The following SNTG2 variants were observed in gnomAD, a reference collection of about 807,000 sequenced individuals.
SNTG2 encodes the protein syntrophin gamma 2, also known as gamma-2-syntrophin.
A neutral mutation model predicts 70.9 loss-of-function variants in SNTG2; 74 were observed. That is an observed-to-expected ratio of 1.04 (90% CI 0.86 to 1.27). The LOEUF is 1.27. SNTG2 is among the 50% of genes most tolerant of loss of function. The pLI is 0.00. For synonymous variants in SNTG2, 278 were observed against 273.8 expected (o/e 1.02, Z -0.15); for missense variants, 717 against 690.7 (o/e 1.04, Z -0.43).
At chr2:1,230,644 C>T (rs548158938) in intron 9 of SNTG2, among the ~76,000 whole-genome samples, 72 of 152,160 alleles carry the variant, frequency 4.7e-4, no homozygotes, top group Non-Finnish European at 8.4e-4. Context: ...TTGTGGGCAG[C>T]GCAGTGCCCA....
intron 4 of SNTG2, among the ~76,000 whole-genome samples, chr2:1,135,953 G>A (rs961551258): frequency 6.6e-6 from 1 of 152,158 alleles, no homozygotes; most frequent in Non-Finnish European, 1.5e-5. Flanking sequence ...CATGCGTCAG[G>A]TAGGTATTTG....
At chr2:1,010,629 T>G (rs577539301) in intron 1 of SNTG2, among the ~76,000 whole-genome samples, 14 of 152,222 alleles carry the variant, frequency 9.2e-5, no homozygotes, top group African/African-American at 2.6e-4. Flanking sequence ...ATTGGAAGAG[T>G]GAACAGTCAC....
intron 10 of SNTG2, among the ~76,000 whole-genome samples, chr2:1,239,114 T>C (rs1289664056): frequency 2.6e-5 from 4 of 152,198 alleles, no homozygotes; most frequent in African/African-American, 9.7e-5. Context: ...GAAAGGATGG[T>C]GCTTGACTTA....
intron 16 of SNTG2, among the ~76,000 whole-genome samples, chr2:1,362,735 G>A (rs918405357): frequency 2.0e-5 from 3 of 147,466 alleles, no homozygotes; most frequent in East Asian, 2.0e-4. Flanking sequence ...GAAAGTCACC[G>A]ACGCTGAGCA....
At chr2:1,275,415 G>A (rs1214553439) in intron 14 of SNTG2, among the ~76,000 whole-genome samples, 1 of 152,188 alleles carries the variant, frequency 6.6e-6, no homozygotes, top group Admixed American at 6.5e-5. Flanking sequence ...GTCACATTGT[G>A]GGAATTCTTG....
intron 16 of SNTG2, among the ~76,000 whole-genome samples, chr2:1,350,305 T>C (rs148092310): frequency 4.0e-4 from 61 of 152,316 alleles, no homozygotes; most frequent in African/African-American, 1.3e-3. Flanking sequence ...TGCTGGGCTT[T>C]GGTCGAATTA....
intron 2 of SNTG2, among the ~76,000 whole-genome samples, chr2:1,094,748 T>C (rs1665269412): frequency 1.6e-5 from 1 of 64,352 alleles, no homozygotes; most frequent in Non-Finnish European, 2.8e-5. Flanking sequence ...GAAGGCCTTA[T>C]AGGTGTGTCC....
chr2:1,186,882 C>T (rs1672285142), intron 8 of SNTG2, among the ~76,000 whole-genome samples: 1 of 152,130 alleles, frequency 6.6e-6, no homozygotes, highest in African/African-American at 2.4e-5. Flanking sequence ...AATTATAAAT[C>T]AAGTGACTCT....
chr2:1,000,785 A>G (rs759516175), intron 1 of SNTG2, among the ~76,000 whole-genome samples: 1 of 151,888 alleles, frequency 6.6e-6, no homozygotes, highest in Non-Finnish European at 1.5e-5. Context: ...TATCATCATG[A>G]TAAAAAAAAC....
intron 1 of SNTG2, among the ~76,000 whole-genome samples, chr2:974,365 C>T (rs936819573): frequency 1.3e-5 from 2 of 152,202 alleles, no homozygotes; most frequent in African/African-American, 4.8e-5. Flanking sequence ...AGTGTTCCCC[C>T]ACAGGAAGCT....
chr2:1,357,308 C>T (rs575791708), intron 16 of SNTG2, among the ~76,000 whole-genome samples: 5 of 152,088 alleles, frequency 3.3e-5, no homozygotes, highest in African/African-American at 9.6e-5. Context: ...TTGTTACGTT[C>T]GGGTAATTTT....
At chr2:1,012,624 AAGGACAGAGAGAAGGG>A (rs1347626551) in intron 1 of SNTG2, among the ~76,000 whole-genome samples, 1 of 135,366 alleles carries the variant, frequency 7.4e-6, no homozygotes, top group Non-Finnish European at 1.6e-5. Flanking sequence ...AGGGATTTAT[AAGGACAGAGAGAAGGG>A]TGGTCTGTAG....
At chr2:1,234,016 T>C (rs1233245236) in intron 9 of SNTG2, among the ~76,000 whole-genome samples, 1 of 152,172 alleles carries the variant, frequency 6.6e-6, no homozygotes, top group East Asian at 1.9e-4. Context: ...GAGCAGCAGA[T>C]GCTCTGTGAA....
chr2:1,211,325 A>C (rs2147998441), intron 9 of SNTG2, among the ~76,000 whole-genome samples: 1 of 152,300 alleles, frequency 6.6e-6, no homozygotes, highest in Non-Finnish European at 1.5e-5. Context: ...GGTTTTTAGA[A>C]AAATAGAGCC....
intron 14 of SNTG2, among the ~76,000 whole-genome samples, chr2:1,296,632 G>A (rs374274542): frequency 6.6e-5 from 10 of 152,200 alleles, no homozygotes; most frequent in Non-Finnish European, 1.0e-4. Context: ...AGGCATCTCC[G>A]TGTTCATGAA....
chr2:1,048,410 T>C (rs1661864145), intron 1 of SNTG2, among the ~76,000 whole-genome samples: 1 of 152,162 alleles, frequency 6.6e-6, no homozygotes, highest in South Asian at 2.1e-4. Context: ...ATGATAATTT[T>C]CCCTGATGCC....
At chr2:1,136,610 T>C (rs1420787152) in intron 4 of SNTG2, among the ~76,000 whole-genome samples, 1 of 152,226 alleles carries the variant, frequency 6.6e-6, no homozygotes, top group East Asian at 1.9e-4. Flanking sequence ...TGTATATAGT[T>C]TGTCAAGAGC....
At position 965,368 on chromosome 2, in the gene SNTG2, A is replaced by ATCCTCCTCCTGGTCCCCAG. The variant is rs1179950354; in HGVS notation, c.72+14311_72+14329dup. On this transcript the variant is annotated intron_variant, in intron 1 of 16. Coordinates refer to ENST00000308624, the MANE Select transcript of SNTG2 (RefSeq NM_018968.4). ...TCCCCAGTCCTCCTCCTGGTCCCCA[A>ATCCTCCTCCTGGTCCCCAG]TCCTCCTCCTGGTCCCCAGTCCTCC... Among the ~76,000 whole-genome samples the ATCCTCCTCCTGGTCCCCAG allele has an allele frequency of 7.5e-4, 77 of 103,092 alleles. 2 individuals carry two copies. Among genetic ancestry groups the ATCCTCCTCCTGGTCCCCAG allele is most frequent in the African/African-American group, 2.0e-3 (38 of 18,642 alleles). 67.6% of individuals were successfully genotyped at this position (103,092 alleles called of 152,430 possible).
intron 9 of SNTG2, among the ~76,000 whole-genome samples, chr2:1,226,190 C>A (rs1675764896): frequency 6.6e-6 from 1 of 152,088 alleles, no homozygotes; most frequent in South Asian, 2.1e-4. Flanking sequence ...AGGTTATTGT[C>A]AATTTAGAGG....
Sources: gnomAD v4.1 joint callset for allele counts (sites outside exome capture counted in the v4.1 genomes callset) on GRCh38, gnomAD v4.1.1 for gene constraint, MANE v1.5 for transcripts, NCBI Gene and HGNC (gene_info 2026-07-23, HGNC 2026-07-21) for gene names.